Variants in CNTNAP2 observed in about 807,000 individuals in gnomAD.
The protein encoded by CNTNAP2 is contactin associated protein 2, also known as contactin-associated protein-like 2.
Under a neutral mutation model 155.2 loss-of-function variants are expected in CNTNAP2, and 98 were observed. The observed-to-expected ratio is 0.63, with a 90% confidence interval of 0.54 to 0.75. The LOEUF is 0.75. Among genes scored for constraint, CNTNAP2 ranks in the 30% least tolerant of loss-of-function variants. The pLI, the probability that CNTNAP2 is intolerant of heterozygous loss-of-function variation, is 0.00. For synonymous variants in CNTNAP2, 651 were observed against 631.2 expected (o/e 1.03, Z -0.47); for missense variants, 1,727 against 1,688.1 (o/e 1.02, Z -0.40).
rs548443307 is a variant in CNTNAP2 at position 146,510,084 on chromosome 7, G to A, written c.98-264187G>A. Among the ~76,000 whole-genome samples the A allele has an allele frequency of 5.3e-5, 8 of 152,268 alleles. No homozygotes were observed. The South Asian group carries it at 1.7e-3, about 32-fold the overall frequency. On this transcript the variant is annotated intron_variant, in intron 1 of 23. Coordinates refer to ENST00000361727, the MANE Select transcript of CNTNAP2 (RefSeq NM_014141.6). The stretch of plus-strand genomic sequence containing the variant: ...TTCCCAGACTAAGCTGGGGTCTGAG[G>A]GGAGCTGGTGAACAGGTGGCAGGCA...
intron 8 of CNTNAP2, among the ~76,000 whole-genome samples, chr7:147,197,987 A>G (rs1205107707): frequency 6.6e-6 from 1 of 152,192 alleles, no homozygotes; most frequent in Non-Finnish European, 1.5e-5. Context: ...ATGGTATTGC[A>G]TGCCTAAATA....
chr7:146,486,296 C>T (rs28488088), intron 1 of CNTNAP2, among the ~76,000 whole-genome samples: 32,509 of 151,702 alleles, frequency 0.21, 4,943 homozygotes, highest in African/African-American at 0.43. Context: ...GATCTCCTGA[C>T]CTCGTGATCC....
At chr7:148,307,226 A>G (rs1797506083) in intron 21 of CNTNAP2, among the ~76,000 whole-genome samples, 1 of 152,150 alleles carries the variant, frequency 6.6e-6, no homozygotes, top group Admixed American at 6.5e-5. Flanking sequence ...TTCCCAGAGA[A>G]TACATCGTTC....
intron 3 of CNTNAP2, among the ~76,000 whole-genome samples, chr7:147,033,184 A>ATG (rs1401569944): frequency 3.9e-5 from 4 of 102,924 alleles, no homozygotes; most frequent in Admixed American, 1.8e-4. Context: ...ATATATATAT[A>ATG]TATATATATA....
intron 10 of CNTNAP2, among the ~76,000 whole-genome samples, chr7:147,455,121 A>C (rs1238514758): frequency 6.6e-6 from 1 of 152,120 alleles, no homozygotes; most frequent in Non-Finnish European, 1.5e-5. Flanking sequence ...TACTAAGTAC[A>C]CCATATCTGA....
At chr7:146,438,121 T>C (rs1393968888) in intron 1 of CNTNAP2, among the ~76,000 whole-genome samples, 1 of 151,432 alleles carries the variant, frequency 6.6e-6, no homozygotes, top group Non-Finnish European at 1.5e-5. Flanking sequence ...ATTGGTCATA[T>C]GCTATACATT....
chr7:146,469,000 A>G (rs966544790), intron 1 of CNTNAP2, among the ~76,000 whole-genome samples: 32 of 152,220 alleles, frequency 2.1e-4, no homozygotes, highest in Non-Finnish European at 1.8e-4. Context: ...TCTGATGTCA[A>G]GTAAAAGAAA....
At chr7:147,626,290 C>A (rs1339110072) in intron 12 of CNTNAP2, among the ~76,000 whole-genome samples, 1 of 151,990 alleles carries the variant, frequency 6.6e-6, no homozygotes, top group East Asian at 1.9e-4. Context: ...TGTCCTCAGG[C>A]AAGGTCTTAT....
At chr7:146,278,673 T>C in intron 1 of CNTNAP2, among the ~76,000 whole-genome samples, 1 of 152,166 alleles carries the variant, frequency 6.6e-6, no homozygotes. Context: ...GAAGGTATCA[T>C]TTTGCCTGAC....
chr7:147,024,617 A>G (rs1294889440), intron 3 of CNTNAP2, among the ~76,000 whole-genome samples: 1 of 152,198 alleles, frequency 6.6e-6, no homozygotes, highest in Admixed American at 6.5e-5. Flanking sequence ...ATTTAATTTA[A>G]AAGATTATAT....
At chr7:146,774,005 G>GA (rs1802343198) in intron 1 of CNTNAP2, among the ~76,000 whole-genome samples, 1 of 152,114 alleles carries the variant, frequency 6.6e-6, no homozygotes. Flanking sequence ...TTTTACTCAT[G>GA]ATTCTCAGAT....
intron 13 of CNTNAP2, among the ~76,000 whole-genome samples, chr7:147,754,300 T>C (rs556215051): frequency 6.6e-6 from 1 of 152,348 alleles, no homozygotes; most frequent in East Asian, 1.9e-4. Context: ...TTCATCATCA[T>C]CTTAAACTTG....
chr7:147,658,125 C>G (rs532102006), intron 13 of CNTNAP2, among the ~76,000 whole-genome samples: 1 of 143,158 alleles, frequency 7.0e-6, no homozygotes, highest in Non-Finnish European at 1.5e-5. Context: ...GGCGTAGTGG[C>G]GGGCGCCTGT....
intron 8 of CNTNAP2, among the ~76,000 whole-genome samples, chr7:147,247,297 CA>C (rs1465030398): frequency 1.3e-5 from 2 of 152,126 alleles, no homozygotes; most frequent in Admixed American, 6.5e-5. Flanking sequence ...GTCTGCTAAA[CA>C]ACAGAATCAA....
intron 8 of CNTNAP2, among the ~76,000 whole-genome samples, chr7:147,142,957 C>T (rs1325564221): frequency 6.6e-6 from 1 of 152,076 alleles, no homozygotes; most frequent in African/African-American, 2.4e-5. Context: ...GTATACTTTC[C>T]TTCCCCAAAC....
chr7:146,542,252 C>T (rs909594698), intron 1 of CNTNAP2, among the ~76,000 whole-genome samples: 9 of 151,838 alleles, frequency 5.9e-5, no homozygotes, highest in African/African-American at 2.2e-4. Flanking sequence ...TGGCTGGCAG[C>T]TAGGCTATAA....
chr7:148,103,383 C>G lies in CNTNAP2; in HGVS notation c.2384-14735C>G, dbSNP rs1235909865. The stretch of plus-strand genomic sequence containing the variant: ...AACACACTGTTCATTATTCCAGGCA[C>G]CACTTATGCAGTCTGTCTTTCCCTG... On this transcript the variant is annotated intron_variant, in intron 15 of 23. Coordinates refer to ENST00000361727, the MANE Select transcript of CNTNAP2 (RefSeq NM_014141.6). Among the ~76,000 whole-genome samples, 3 of 152,082 alleles carry G rather than the reference C, an allele frequency of 2.0e-5. No homozygotes were observed. In the South Asian group the frequency reaches 6.2e-4, roughly 31 times the overall value.
chr7:147,828,519 A>G (rs75875112), intron 13 of CNTNAP2, among the ~76,000 whole-genome samples: 6,732 of 152,302 alleles, frequency 0.044, 269 homozygotes, highest in Admixed American at 0.12. Flanking sequence ...TAAAGTCATG[A>G]GGCATCAAAC....
At chr7:148,370,569 T>G (rs889854199) in intron 21 of CNTNAP2, among the ~76,000 whole-genome samples, 3 of 152,130 alleles carry the variant, frequency 2.0e-5, no homozygotes. Context: ...AGCCTTCCCC[T>G]CTTCCGCACA....
Sources: gnomAD v4.1 joint callset for allele counts (sites outside exome capture counted in the v4.1 genomes callset) on GRCh38, gnomAD v4.1.1 for gene constraint, MANE v1.5 for transcripts, NCBI Gene and HGNC (gene_info 2026-07-23, HGNC 2026-07-21) for gene names.